The following TMEM132B variants were observed in gnomAD, a reference collection of about 807,000 sequenced individuals.
TMEM132B encodes transmembrane protein 132B.
In TMEM132B, 18 loss-of-function variants were observed where a neutral mutation model predicts 90.8. That is an observed-to-expected ratio of 0.20 (90% confidence interval 0.14 to 0.29). The LOEUF is 0.29. Ranked by LOEUF, TMEM132B falls within the 10% of genes least tolerant of loss-of-function variation. TMEM132B has a pLI of 1.00. For missense variants in TMEM132B, 1,096 were observed against 1,326.8 expected (o/e 0.83, Z 2.70); for synonymous variants, 504 against 523.3 (o/e 0.96, Z 0.50).
At chr12:125,528,536 C>T (rs886192483) in intron 4 of TMEM132B, among the ~76,000 whole-genome samples, 5 of 152,276 alleles carry the variant, frequency 3.3e-5, no homozygotes, top group African/African-American at 9.6e-5. Context: ...TCTTCTGTGC[C>T]GAGCACTGTT....
At chr12:125,520,563 C>A in intron 4 of TMEM132B, among the ~76,000 whole-genome samples, 1 of 152,018 alleles carries the variant, frequency 6.6e-6, no homozygotes, top group African/African-American at 2.4e-5. Context: ...TTCCCTACAT[C>A]TCCCACGTCT....
chr12:125,194,801 G>A (rs778888502), intron 1 of TMEM132B, among the ~76,000 whole-genome samples: 1 of 152,112 alleles, frequency 6.6e-6, no homozygotes, highest in Non-Finnish European at 1.5e-5. Flanking sequence ...GGGAAGGGAA[G>A]GGGGAGGCAT....
chr12:125,243,557 C>T (rs1199396590), intron 1 of TMEM132B, among the ~76,000 whole-genome samples: 10 of 152,168 alleles, frequency 6.6e-5, no homozygotes, highest in East Asian at 1.9e-4. Context: ...CTGCCTGCCT[C>T]GGCCTCCCAA....
intron 3 of TMEM132B, among the ~76,000 whole-genome samples, chr12:125,488,939 A>C (rs936271571): frequency 1.3e-5 from 2 of 152,236 alleles, no homozygotes; most frequent in Non-Finnish European, 2.9e-5. Flanking sequence ...CGTAGATGAA[A>C]TTCTAGCCTA....
At position 125,583,837 on chromosome 12, in the gene TMEM132B, C is replaced by T. The variant is rs778509437; in HGVS notation, c.1294-14C>T. ...GCACGTTTGCTGATCTGAGCCCTCT[C>T]CTCTCCTGTTTAGGACACCGAGGTT... On this transcript the variant is annotated splice_polypyrimidine_tract_variant and intron_variant, in intron 4 of 8. Transcript: ENST00000682704. The T allele has an allele frequency of 6.2e-7, 1 of 1,613,690 alleles. No homozygotes were observed. The highest frequency in any genetic ancestry group is 2.2e-5 in the East Asian group (1 of 44,866).
At position 125,277,798 on chromosome 12, in the gene TMEM132B, A is replaced by G. The variant is rs1875044181; in HGVS notation, c.68-71654A>G. Among the ~76,000 whole-genome samples the G allele has an allele frequency of 6.6e-6, 1 of 152,218 alleles. No individual in the cohort carries two copies. Among genetic ancestry groups the G allele is most frequent in the Admixed American group, 6.5e-5 (1 of 15,280 alleles). ...TGGCAGCTCTGGGGAGCTAACAACG[A>G]CGTTAAAAAAAGTTGGACAAATGGC... On this transcript the variant is annotated intron_variant, in intron 1 of 8. Coordinates refer to ENST00000682704, the MANE Select transcript of TMEM132B (RefSeq NM_001366854.1). This position sits in a 1 kb window ranked among gnomAD's most constrained non-coding sequence, Gnocchi z 4.3.
intron 5 of TMEM132B, chr12:125,585,634 G>A (rs888221367): frequency 3.9e-5 from 6 of 152,174 alleles, no homozygotes; most frequent in Admixed American, 6.5e-5. Context: ...CTCTTGCCCT[G>A]AAGAGCTCTA....
intron 1 of TMEM132B, among the ~76,000 whole-genome samples, chr12:125,191,129 G>A (rs1201350136): frequency 9.0e-6 from 1 of 111,722 alleles, no homozygotes; most frequent in Non-Finnish European, 1.8e-5. Context: ...GATGGTGACA[G>A]TGACGGGAAA....
chr12:125,519,310 C>A, intron 3 of TMEM132B, 129 bp from the exon 4 acceptor site: 1 of 939,792 alleles, frequency 1.1e-6, no homozygotes, highest in Non-Finnish European at 1.6e-6. Flanking sequence ...ACAACACTGC[C>A]GTGTGAGTTG....
intron 1 of TMEM132B, among the ~76,000 whole-genome samples, chr12:125,287,098 G>C (rs1196870100): frequency 6.6e-6 from 1 of 150,950 alleles, no homozygotes; most frequent in Admixed American, 6.6e-5. Flanking sequence ...CAGCAGGGTA[G>C]CATCTTCAAA....
At chr12:125,311,062 G>A (rs578053914) in intron 1 of TMEM132B, among the ~76,000 whole-genome samples, 1 of 152,320 alleles carries the variant, frequency 6.6e-6, no homozygotes, top group Admixed American at 6.5e-5. Flanking sequence ...AGGAAGATGG[G>A]CTGATACACT....
At chr12:125,322,066 G>A (rs1175060347) in intron 1 of TMEM132B, among the ~76,000 whole-genome samples, 1 of 152,204 alleles carries the variant, frequency 6.6e-6, no homozygotes, top group Non-Finnish European at 1.5e-5. Context: ...CATACTGTGT[G>A]TTGATATGGT....
At chr12:125,212,943 C>A (rs924011890) in intron 1 of TMEM132B, among the ~76,000 whole-genome samples, 3 of 151,964 alleles carry the variant, frequency 2.0e-5, no homozygotes, top group African/African-American at 4.8e-5. Flanking sequence ...TAAGTTCACA[C>A]AACACACAAC....
At chr12:125,514,040 T>C (rs1181217982) in intron 3 of TMEM132B, among the ~76,000 whole-genome samples, 1 of 152,122 alleles carries the variant, frequency 6.6e-6, no homozygotes, top group Admixed American at 6.5e-5. Context: ...GGTGTTATAA[T>C]AGGTTTTGGC....
intron 3 of TMEM132B, among the ~76,000 whole-genome samples, chr12:125,440,142 G>A (rs1159557885): frequency 2.6e-5 from 4 of 152,010 alleles, no homozygotes; most frequent in Admixed American, 2.0e-4. Context: ...TTTTTTTGTT[G>A]TGTCTCCTCC....
chr12:125,202,365 G>GGTCCTCTGCCAGAGGTCC (rs1186530336), intron 1 of TMEM132B, among the ~76,000 whole-genome samples: 8 of 152,246 alleles, frequency 5.3e-5, no homozygotes, highest in Admixed American at 3.3e-4. Context: ...GACAGCCCCA[G>GGTCCTCTGCCAGAGGTCC]GTCCTCTGCC....
intron 2 of TMEM132B, among the ~76,000 whole-genome samples, chr12:125,367,331 G>A (rs1236344218): frequency 6.6e-6 from 1 of 152,110 alleles, no homozygotes; most frequent in African/African-American, 2.4e-5. Flanking sequence ...TGTTTCAGCA[G>A]GCAATTAATT....
At chr12:125,271,177 T>TA (rs1874829376) in intron 1 of TMEM132B, among the ~76,000 whole-genome samples, 1 of 152,152 alleles carries the variant, frequency 6.6e-6, no homozygotes, top group Non-Finnish European at 1.5e-5. Context: ...CTATGTCGCC[T>TA]ACGCTGGTCT....
chr12:125,343,426 T>G (rs1877257187), intron 1 of TMEM132B, among the ~76,000 whole-genome samples: 1 of 152,202 alleles, frequency 6.6e-6, no homozygotes, highest in Non-Finnish European at 1.5e-5. Context: ...ACAGGGATTG[T>G]GTCCATGAAC....
Sources: allele counts gnomAD v4.1 joint callset (sites outside exome capture counted in the v4.1 genomes callset), GRCh38; gene constraint gnomAD v4.1.1; non-coding constraint Gnocchi (gnomAD v3.1); transcripts MANE v1.5; gene names NCBI Gene and HGNC (gene_info 2026-07-23, HGNC 2026-07-21).